The following PXDNL variants were observed in gnomAD, a reference collection of about 807,000 sequenced individuals.
The protein encoded by PXDNL is peroxidasin like.
A neutral mutation model predicts 150.8 loss-of-function variants in PXDNL; 145 were observed. That is an observed-to-expected ratio of 0.96 (90% CI 0.84 to 1.10). The LOEUF is 1.10. Among genes scored for constraint, PXDNL ranks in the 50% least tolerant of loss-of-function variants. The pLI, the probability that PXDNL is intolerant of heterozygous loss-of-function variation, is 0.00. For missense variants in PXDNL, 2,087 were observed against 1,873.9 expected (o/e 1.11, Z -2.10); for synonymous variants, 757 against 725.7 (o/e 1.04, Z -0.69).
intron 3 of PXDNL, among the ~76,000 whole-genome samples, chr8:51,557,445 G>T (rs1812622698): frequency 6.6e-6 from 1 of 151,940 alleles, no homozygotes; most frequent in Non-Finnish European, 1.5e-5. Flanking sequence ...TTTACCAAAG[G>T]GTTTAAAGAA....
chr8:51,745,512 A>G (rs565869564), intron 1 of PXDNL, among the ~76,000 whole-genome samples: 2 of 152,344 alleles, frequency 1.3e-5, no homozygotes, highest in Non-Finnish European at 2.9e-5. Flanking sequence ...TAATTAAAAG[A>G]AAGTATGAAC....
intron 12 of PXDNL, among the ~76,000 whole-genome samples, chr8:51,441,292 A>T (rs1248173505): frequency 6.6e-6 from 1 of 152,176 alleles, no homozygotes; most frequent in Non-Finnish European, 1.5e-5. Flanking sequence ...TTTATAAATT[A>T]CCCAGTCTCA....
chr8:51,463,189 A>G (rs983344890), intron 8 of PXDNL, among the ~76,000 whole-genome samples: 10 of 152,220 alleles, frequency 6.6e-5, no homozygotes, highest in Non-Finnish European at 8.8e-5. Context: ...ATTTAAGTAC[A>G]TACCCCATAG....
chr8:51,419,671 G>T (rs1237886560), intron 14 of PXDNL, among the ~76,000 whole-genome samples: 1 of 152,168 alleles, frequency 6.6e-6, no homozygotes, highest in Admixed American at 6.6e-5. Context: ...ATACTTCACA[G>T]CACTTACCAG....
At chr8:51,456,635 T>C (rs1373043473) in intron 9 of PXDNL, among the ~76,000 whole-genome samples, 1 of 152,246 alleles carries the variant, frequency 6.6e-6, no homozygotes, top group Non-Finnish European at 1.5e-5. Context: ...TTTTACTACA[T>C]TTTATTATTA....
intron 1 of PXDNL, among the ~76,000 whole-genome samples, chr8:51,783,683 T>C (rs1354268430): frequency 1.3e-5 from 2 of 152,188 alleles, no homozygotes; most frequent in African/African-American, 4.8e-5. Flanking sequence ...GAAATACACA[T>C]ATCTAAATTT....
At chr8:51,511,540 A>G (rs1049397607) in intron 4 of PXDNL, among the ~76,000 whole-genome samples, 1 of 152,176 alleles carries the variant, frequency 6.6e-6, no homozygotes, top group African/African-American at 2.4e-5. Context: ...AATTAAAATC[A>G]TCGGGTCCCC....
chr8:51,758,384 G>A (rs1299678748), intron 1 of PXDNL, among the ~76,000 whole-genome samples: 1 of 152,142 alleles, frequency 6.6e-6, no homozygotes, highest in African/African-American at 2.4e-5. Context: ...ATAAAGAAAT[G>A]CAAGGAAATA....
intron 10 of PXDNL, among the ~76,000 whole-genome samples, chr8:51,452,697 AT>A (rs1419481731): frequency 6.6e-6 from 1 of 152,172 alleles, no homozygotes; most frequent in Non-Finnish European, 1.5e-5. Flanking sequence ...ATAACATCCT[AT>A]GCAAATCTTA....
At chr8:51,601,584 C>A (rs1315967000) in intron 2 of PXDNL, among the ~76,000 whole-genome samples, 2 of 151,886 alleles carry the variant, frequency 1.3e-5, no homozygotes, top group Non-Finnish European at 1.5e-5. Context: ...TTTCACTAAC[C>A]CTCTGCTTTG....
chr8:51,613,488 G>GT (rs1185567379), intron 2 of PXDNL, among the ~76,000 whole-genome samples: 5 of 88,082 alleles, frequency 5.7e-5, no homozygotes, highest in African/African-American at 1.5e-4. Context: ...AGGGGGCGGG[G>GT]GGGGGGCAGG....
chr8:51,711,704 A>G (rs1816502464), intron 1 of PXDNL, among the ~76,000 whole-genome samples: 1 of 152,248 alleles, frequency 6.6e-6, no homozygotes, highest in Non-Finnish European at 1.5e-5. Flanking sequence ...GTATTCTACA[A>G]TTTCCAAATG....
intron 1 of PXDNL, chr8:51,722,228 C>T (rs1259559715): frequency 6.5e-6 from 1 of 153,484 alleles, no homozygotes; most frequent in Non-Finnish European, 1.5e-5. Context: ...CCTGATCCAC[C>T]TTGCAGGACA....
At chr8:51,544,632 G>T (rs1479210719) in intron 4 of PXDNL, among the ~76,000 whole-genome samples, 1 of 152,124 alleles carries the variant, frequency 6.6e-6, no homozygotes, top group Admixed American at 6.5e-5. Context: ...ATCAAGAAAA[G>T]AATAAGGCTA....
At chr8:51,702,341 C>T (rs1816274155) in intron 1 of PXDNL, among the ~76,000 whole-genome samples, 1 of 152,114 alleles carries the variant, frequency 6.6e-6, no homozygotes, top group Non-Finnish European at 1.5e-5. Flanking sequence ...GTGACTCTTC[C>T]ACATCAGAGC....
chr8:51,731,548 C>T (rs1816931697), intron 1 of PXDNL, among the ~76,000 whole-genome samples: 1 of 152,212 alleles, frequency 6.6e-6, no homozygotes, highest in Non-Finnish European at 1.5e-5. Context: ...AGGACGGTGG[C>T]CCTCTTCTCA....
rs568493862 is a variant in PXDNL, at chr8:51,684,112, G to A, written c.165-29352C>T. Among the ~76,000 whole-genome samples, 6 of 152,262 alleles carry A rather than the reference G, an allele frequency of 3.9e-5. No individual in the cohort carries two copies. In the South Asian group the frequency reaches 8.3e-4, roughly 21 times the overall value. Reference sequence around the variant, plus strand: ...CTAGAGGGCAGTAAATCAAAGCTGCGTTTGGTTTTATGGCTGCTAGCACAT... The same window carrying A: ...CTAGAGGGCAGTAAATCAAAGCTGCATTTGGTTTTATGGCTGCTAGCACAT... On this transcript the variant is annotated intron_variant, in intron 1 of 22. Transcript: ENST00000356297.
intron 18 of PXDNL, among the ~76,000 whole-genome samples, chr8:51,373,615 C>T (rs879621572): frequency 6.6e-6 from 1 of 152,054 alleles, no homozygotes; most frequent in Admixed American, 6.5e-5. Context: ...GGAATTAAAT[C>T]CTTTGCTACT....
chr8:51,494,980 C>T (rs1026001897), intron 5 of PXDNL, among the ~76,000 whole-genome samples: 12 of 152,268 alleles, frequency 7.9e-5, no homozygotes, highest in African/African-American at 2.9e-4. Flanking sequence ...AATATACATT[C>T]TTTTCAGCAC....
Sources: gnomAD v4.1 joint callset for allele counts (sites outside exome capture counted in the v4.1 genomes callset) on GRCh38, gnomAD v4.1.1 for gene constraint, MANE v1.5 for transcripts, NCBI Gene and HGNC (gene_info 2026-07-23, HGNC 2026-07-21) for gene names.